The following WRN variants were observed in gnomAD, a reference collection of about 807,000 sequenced individuals.
WRN encodes bifunctional 3'-5' exonuclease/ATP-dependent helicase WRN.
A neutral mutation model predicts 180.7 loss-of-function variants in WRN; 149 were observed. That is an observed-to-expected ratio of 0.82 (90% CI 0.72 to 0.94). WRN has a LOEUF of 0.94. Among genes scored for constraint, WRN ranks in the 40% least tolerant of loss-of-function variants. WRN has a pLI of 0.00. For missense variants in WRN, 1,661 were observed against 1,700.1 expected, an observed-to-expected ratio of 0.98 and a Z score of 0.40; for synonymous variants, 548 against 568.9, an observed-to-expected ratio of 0.96 and a Z score of 0.52.
At chr8:31,067,210 G>A (rs570330577) in intron 6 of WRN, 28 bp downstream of exon 6, 3 of 1,611,660 alleles carry the variant, frequency 1.9e-6, no homozygotes, top group Admixed American at 3.3e-5. Flanking sequence ...TTTAGAAATT[G>A]TGATGTGTTT....
In WRN at chr8:31,099,568, TG is replaced by T. The variant is rs1479764404; in HGVS notation, c.1982-1280del. ...TAGGTTTTTTTTTTGTTTGTTTGTTTGTTTTTTTTTTTTGTCTTTCTTCTCC... is the reference window on the plus strand; with the variant it reads ...TAGGTTTTTTTTTTGTTTGTTTGTTTTTTTTTTTTTTTGTCTTTCTTCTCC... On this transcript the variant is annotated intron_variant, in intron 17 of 34. Transcript: ENST00000298139. Among the ~76,000 whole-genome samples, 208 of 149,872 alleles carry T rather than the reference TG, an allele frequency of 1.4e-3. 1 individual carries two copies. The highest frequency in any genetic ancestry group is 4.9e-3 in the African/African-American group (197 of 39,866).
chr8:31,111,577 C>A, intron 18 of WRN, 38 bp from the exon 19 acceptor site: 1 of 1,604,748 alleles, frequency 6.2e-7, no homozygotes, highest in Non-Finnish European at 8.5e-7. Flanking sequence ...AATGAATGAG[C>A]TCTTTCCTTT....
chr8:31,073,901 G>A (rs1213265253), intron 7 of WRN, among the ~76,000 whole-genome samples: 5 of 151,798 alleles, frequency 3.3e-5, no homozygotes, highest in Admixed American at 3.3e-4. Flanking sequence ...TGGTGTGGAG[G>A]CCATCAGTAA....
chr8:31,084,081 C>T (rs529327893), intron 10 of WRN, among the ~76,000 whole-genome samples: 2 of 152,282 alleles, frequency 1.3e-5, no homozygotes, highest in East Asian at 3.9e-4. Context: ...TCACTGCAAC[C>T]TTCACCTCCT....
chr8:31,052,527 A>T (rs1350347391), intron 1 of WRN, among the ~76,000 whole-genome samples: 2 of 152,064 alleles, frequency 1.3e-5, no homozygotes, highest in East Asian at 3.9e-4. Flanking sequence ...AACTGGGATT[A>T]CAGGCGTGCA....
At chr8:31,074,383 C>T (rs1287315038) in intron 7 of WRN, among the ~76,000 whole-genome samples, 1 of 152,094 alleles carries the variant, frequency 6.6e-6, no homozygotes, top group Non-Finnish European at 1.5e-5. Context: ...GATCTGAAGA[C>T]TGAATAATTA....
intron 1 of WRN, among the ~76,000 whole-genome samples, chr8:31,057,241 A>G (rs1812306426): frequency 6.6e-6 from 1 of 152,150 alleles, no homozygotes; most frequent in African/African-American, 2.4e-5. Context: ...ATCCTGTTTC[A>G]TCATGAGACT....
At chr8:31,093,841 G>T (rs1486332110) in intron 16 of WRN, among the ~76,000 whole-genome samples, 1 of 152,070 alleles carries the variant, frequency 6.6e-6, no homozygotes, top group Non-Finnish European at 1.5e-5. Flanking sequence ...TATATACATG[G>T]AGTCATTCAT....
At chr8:31,059,727 A>G (rs1196570116) in intron 3 of WRN, among the ~76,000 whole-genome samples, 1 of 152,164 alleles carries the variant, frequency 6.6e-6, no homozygotes, top group African/African-American at 2.4e-5. Flanking sequence ...GTAATTAGTA[A>G]CAGTTGTAGC....
Position 31,080,930 on chromosome 8 carries a change from GTCT to G in WRN, c.904_906del (p.Ser302del). 1 of 1,613,380 alleles carries G rather than the reference GTCT, an allele frequency of 6.2e-7. No individual in the cohort carries two copies. The highest frequency in any genetic ancestry group is 8.5e-7 in the Non-Finnish European group (1 of 1,179,790). On this transcript the variant is annotated inframe_deletion, in exon 9 of 35. Transcript: ENST00000298139. ...ATTCACTGAGGAGGATGATAATTGG[GTCT>G]ACTAACATTGAGACTGAACTGAGGC...
intron 7 of WRN, among the ~76,000 whole-genome samples, chr8:31,070,095 C>CA (rs1469425279): frequency 2.0e-5 from 3 of 151,716 alleles, no homozygotes; most frequent in African/African-American, 7.3e-5. Flanking sequence ...CATCTTGACT[C>CA]AGATTCCAGT....
chr8:31,050,878 T>C (rs1249032371), intron 1 of WRN, among the ~76,000 whole-genome samples: 1 of 152,196 alleles, frequency 6.6e-6, no homozygotes, highest in Non-Finnish European at 1.5e-5. Context: ...GTAATCAGTA[T>C]TTATAAAACA....
intron 4 of WRN, 110 bp downstream of exon 4, chr8:31,064,544 A>G (rs1812620161): frequency 6.9e-7 from 1 of 1,454,852 alleles, no homozygotes; most frequent in African/African-American, 1.4e-5. Flanking sequence ...ATTATCTCAA[A>G]TTTATTTAAG....
At chr8:31,066,935 A>G in intron 5 of WRN, 98 bp from the exon 6 acceptor site, 1 of 1,490,018 alleles carries the variant, frequency 6.7e-7, no homozygotes. Context: ...TTGGTATAAC[A>G]TTTCCTAATT....
At chr8:31,145,624 A>C (rs1040677267) in intron 28 of WRN, among the ~76,000 whole-genome samples, 1 of 152,200 alleles carries the variant, frequency 6.6e-6, no homozygotes, top group African/African-American at 2.4e-5. Context: ...GAAGTAAATT[A>C]ACCTTTTAAG....
rs368402409 is a variant in WRN, at chr8:31,111,757, G to A, written c.2231G>A (p.Gly744Glu). 20 of 1,613,898 alleles carry A rather than the reference G, an allele frequency of 1.2e-5. No individual in the cohort carries two copies. The African/African-American group carries it at 2.3e-4, about 18-fold the overall frequency. The change falls in exon 19 of 35, where the codon GGG (glycine) becomes GAG (glutamate). Residue 744 changes from glycine to glutamate, a missense_variant. Coordinates refer to ENST00000298139, the MANE Select transcript of WRN (RefSeq NM_000553.6). The part of the protein sequence containing the change: ...NLYLEVRRKT[G>E]NILQDLQPFL... ...TATTTAGAAGTTAGGCGAAAAACAG[G>A]GAATATCCTTCAGGATCTGCAGCCA...
At chr8:31,129,946 C>T (rs1802081297) in intron 23 of WRN, among the ~76,000 whole-genome samples, 2 of 141,094 alleles carry the variant, frequency 1.4e-5, no homozygotes, top group Non-Finnish European at 3.0e-5. Context: ...CGGAGGTTGC[C>T]GTGAGCCGAG....
At chr8:31,058,259 C>A (rs1380498421) in intron 1 of WRN, 113 bp from the exon 2 acceptor site, 1 of 566,752 alleles carries the variant, frequency 1.8e-6, no homozygotes, top group African/African-American at 1.9e-5. Flanking sequence ...CATATTGTAT[C>A]TGTTTTGTTT....
At chr8:31,094,312 A>G (rs1329956880) in intron 16 of WRN, among the ~76,000 whole-genome samples, 3 of 151,684 alleles carry the variant, frequency 2.0e-5, no homozygotes, top group Non-Finnish European at 4.4e-5. Context: ...CATACCCATT[A>G]AGGAGTCATT....
Sources: allele counts gnomAD v4.1 joint callset (sites outside exome capture counted in the v4.1 genomes callset), GRCh38; gene constraint gnomAD v4.1.1; transcripts MANE v1.5; gene names NCBI Gene and HGNC (gene_info 2026-07-23, HGNC 2026-07-21).